Variants in RDX observed in about 807,000 individuals in gnomAD.
RDX encodes radixin.
RDX carries 32 observed loss-of-function variants against 83.7 expected under a neutral mutation model. That is an observed-to-expected ratio of 0.38 (90% CI 0.29 to 0.51). RDX has a LOEUF of 0.51. RDX is among the 20% of genes least tolerant of loss of function. The pLI is 0.87. For missense variants in RDX, 600 were observed against 689.9 expected (o/e 0.87, Z 1.46); for synonymous variants, 229 against 222.7 (o/e 1.03, Z -0.25).
Position 110,231,102 on chromosome 11 carries a change from C to T in RDX, c.*767G>A, listed in dbSNP as rs1232646426. ...ATCAGTAAACTCTCCTAGGGAGCTA[C>T]TACTGCTGTCTAAACCTCTGTGAAA... On this transcript the variant is annotated 3_prime_UTR_variant, in exon 14 of 14. Transcript: ENST00000645495. 1 of 152,530 alleles carries T rather than the reference C, an allele frequency of 6.6e-6. No individual in the cohort carries two copies. Among genetic ancestry groups the T allele is most frequent in the South Asian group, 2.1e-4 (1 of 4,830 alleles). The allele number at this position is 152,530 out of a possible 1,614,324, so 9.4% of individuals were successfully genotyped here. A position where few individuals can be genotyped will look rare whatever the true frequency, so the allele number is the denominator to read the frequency against.
intron 15 of RDX, among the ~76,000 whole-genome samples, chr11:110,194,005 C>T (rs2134229211): frequency 6.6e-6 from 1 of 152,336 alleles, no homozygotes; most frequent in East Asian, 1.9e-4. Flanking sequence ...TTGCCCAGTG[C>T]ATTGCACAGG....
chr11:110,263,176 G>T, intron 5 of RDX, among the ~76,000 whole-genome samples: 1 of 152,034 alleles, frequency 6.6e-6, no homozygotes, highest in Non-Finnish European at 1.5e-5. Flanking sequence ...TCGGGAGGCT[G>T]AGGCAGGAGA....
intron 14 of RDX, among the ~76,000 whole-genome samples, chr11:110,209,327 C>G (rs1338168659): frequency 6.6e-6 from 1 of 151,216 alleles, no homozygotes; most frequent in Non-Finnish European, 1.5e-5. Context: ...GCACCTGGCT[C>G]GGAGGGTCCT....
At chr11:110,189,269 G>GAA in intron 15 of RDX, among the ~76,000 whole-genome samples, 1 of 57,290 alleles carries the variant, frequency 1.7e-5, no homozygotes, top group Non-Finnish European at 3.8e-5. Flanking sequence ...AAAAAAAAAA[G>GAA]ACAAGGGCAT....
At chr11:110,270,535 T>G (rs558094951) in intron 3 of RDX, among the ~76,000 whole-genome samples, 2 of 152,214 alleles carry the variant, frequency 1.3e-5, no homozygotes, top group African/African-American at 4.8e-5. Flanking sequence ...TCAAATACTG[T>G]TCTACGCACT....
At chr11:110,291,800 A>G (rs751921849) in intron 1 of RDX, among the ~76,000 whole-genome samples, 28 of 152,098 alleles carry the variant, frequency 1.8e-4, no homozygotes, top group Non-Finnish European at 3.5e-4. Flanking sequence ...TCATTATTGA[A>G]CCATTCTTGA....
chr11:110,229,126 A>T (rs1487667801), downstream of RDX, among the ~76,000 whole-genome samples: 1 of 151,996 alleles, frequency 6.6e-6, no homozygotes, highest in Non-Finnish European at 1.5e-5. Flanking sequence ...TAGTGAGATC[A>T]ATCAATGACA....
chr11:110,248,330 T>C (rs915468781), intron 9 of RDX, among the ~76,000 whole-genome samples: 1 of 152,182 alleles, frequency 6.6e-6, no homozygotes. Context: ...AGGGTTTTCA[T>C]TGTATTACAC....
intron 1 of RDX, among the ~76,000 whole-genome samples, chr11:110,284,915 AGAGAT>A (rs1409579390): frequency 6.6e-6 from 1 of 152,240 alleles, no homozygotes; most frequent in Non-Finnish European, 1.5e-5. Flanking sequence ...AATCAGAGAC[AGAGAT>A]AAGAATTTTA....
In RDX at chr11:110,205,284, A is replaced by C. The variant is rs559912603; in HGVS notation, c.1749-5606T>G. Among the ~76,000 whole-genome samples the C allele has an allele frequency of 1.2e-3, 187 of 152,312 alleles. 1 individual carries two copies. Among genetic ancestry groups the C allele is most frequent in the African/African-American group, 4.4e-3 (182 of 41,594 alleles). On this transcript the variant is annotated intron_variant, in intron 14 of 15. Transcript: ENST00000528498. ...TAAATGTAAAAATAACCAAACTTTT[A>C]GATGAAAATATAGGAAAATATCTTC...
intron 1 of RDX, among the ~76,000 whole-genome samples, chr11:110,290,217 T>TA (rs1861179095): frequency 6.6e-6 from 1 of 152,064 alleles, no homozygotes; most frequent in South Asian, 2.1e-4. Context: ...TTAATTAACT[T>TA]ATACACACTA....
intron 1 of RDX, among the ~76,000 whole-genome samples, chr11:110,294,144 A>T (rs1861351254): frequency 6.6e-6 from 1 of 152,260 alleles, no homozygotes; most frequent in South Asian, 2.1e-4. Context: ...CTGTAATCCC[A>T]GCACTTTGGG....
chr11:110,272,657 A>C, intron 2 of RDX, 38 bp from the exon 3 acceptor site: 1 of 1,380,638 alleles, frequency 7.2e-7, no homozygotes, highest in Non-Finnish European at 1.0e-6. Flanking sequence ...GTAGAAGAGA[A>C]GTTATTAGGC....
intron 1 of RDX, among the ~76,000 whole-genome samples, chr11:110,290,381 A>T (rs2134451415): frequency 6.6e-6 from 1 of 152,138 alleles, no homozygotes; most frequent in Non-Finnish European, 1.5e-5. Flanking sequence ...GAGTGGTGGC[A>T]AGCTCCTATA....
chr11:110,263,990 T>C lies in RDX; in HGVS notation c.437A>G (p.Tyr146Cys). The C allele has an allele frequency of 1.9e-6, 3 of 1,612,884 alleles. No homozygotes were observed. The highest frequency in any genetic ancestry group is 2.5e-6 in the Non-Finnish European group (3 of 1,178,894). Residue 146 changes from tyrosine (Y) to cysteine (C), a missense_variant, in exon 5 of 14, where the codon TAC (tyrosine) becomes TGC (cysteine). Coordinates refer to ENST00000645495, the MANE Select transcript of RDX (RefSeq NM_002906.4). ...DYNKEIHKPG[Y>C]LANDRLLPQR... is the part of the protein sequence containing the mutation. ...GGGTAGGAGTCTATCATTAGCCAGG[T>C]AGCCTGGCTTATGAATCTCTTTATT...
chr11:110,188,761 G>C (rs1863038220), intron 15 of RDX, among the ~76,000 whole-genome samples: 1 of 152,062 alleles, frequency 6.6e-6, no homozygotes, highest in Non-Finnish European at 1.5e-5. Flanking sequence ...AGCTTCATAA[G>C]CAAAGAAGAA....
intron 2 of RDX, among the ~76,000 whole-genome samples, chr11:110,274,043 C>G (rs1277475681): frequency 6.6e-6 from 1 of 152,180 alleles, no homozygotes. Context: ...GTCTAACAAT[C>G]ACAACCTCAG....
intron 13 of RDX, 86 bp from the exon 14 acceptor site, chr11:110,232,119 A>G (rs1051713270): frequency 2.4e-5 from 25 of 1,037,622 alleles, no homozygotes; most frequent in Non-Finnish European, 3.2e-5. Context: ...GCAAAAATAC[A>G]TATACCAAAT....
chr11:110,177,076 AT>A (rs1201173511), intron 15 of RDX, among the ~76,000 whole-genome samples: 1 of 152,232 alleles, frequency 6.6e-6, no homozygotes, highest in African/African-American at 2.4e-5. Flanking sequence ...AAAGAAACAC[AT>A]TTCCAGAGAC....
Sources: gnomAD v4.1 joint callset for allele counts (sites outside exome capture counted in the v4.1 genomes callset) on GRCh38, gnomAD v4.1.1 for gene constraint, MANE v1.5 for transcripts, NCBI Gene and HGNC (gene_info 2026-07-23, HGNC 2026-07-21) for gene names.